Variants in IL15 observed in about 807,000 individuals in gnomAD.
IL15 encodes interleukin-15.
In IL15, 11 loss-of-function variants were observed where a neutral mutation model predicts 19.6. The observed-to-expected ratio is 0.56, with a 90% CI of 0.35 to 0.93. The LOEUF is 0.93. IL15 is among the 40% of genes least tolerant of loss of function. The probability of loss-of-function intolerance (pLI) is 0.01; values close to 1 mark genes in which losing one functional copy is unlikely to be tolerated. For missense variants in IL15, 197 were observed against 186.5 expected (o/e 1.06, Z -0.33); for synonymous variants, 58 against 59.6 (o/e 0.97, Z 0.12).
intron 2 of IL15, among the ~76,000 whole-genome samples, chr4:141,681,002 G>A (rs1728512571): frequency 6.6e-6 from 1 of 152,108 alleles, no homozygotes; most frequent in Non-Finnish European, 1.5e-5. Flanking sequence ...CTTACATTTT[G>A]TGGCCATGTC....
chr4:141,664,298 A>G (rs565949399), intron 2 of IL15, among the ~76,000 whole-genome samples: 1 of 151,904 alleles, frequency 6.6e-6, no homozygotes, highest in East Asian at 1.9e-4. Flanking sequence ...AATAGGAAAA[A>G]CAGAGATAAA....
chr4:141,713,820 G>A (rs535465933), intron 2 of IL15, among the ~76,000 whole-genome samples: 4 of 151,942 alleles, frequency 2.6e-5, no homozygotes, highest in Non-Finnish European at 5.9e-5. Context: ...TCTCCCAATC[G>A]CTCCCTTACA....
intron 5 of IL15, among the ~76,000 whole-genome samples, chr4:141,723,067 A>T (rs970298298): frequency 6.6e-6 from 1 of 152,112 alleles, no homozygotes; most frequent in East Asian, 1.9e-4. Flanking sequence ...ACACCAAGTA[A>T]AAGAGAGAGA....
intron 1 of IL15, among the ~76,000 whole-genome samples, chr4:141,650,327 A>G (rs1727362538): frequency 6.6e-6 from 1 of 152,158 alleles, no homozygotes; most frequent in Admixed American, 6.5e-5. Context: ...TAGGATAGTT[A>G]GATCTAAGCT....
chr4:141,648,593 C>T (rs1482973521), intron 1 of IL15, among the ~76,000 whole-genome samples: 1 of 151,918 alleles, frequency 6.6e-6, no homozygotes, highest in African/African-American at 2.4e-5. Context: ...AATATGGTTT[C>T]TTCTCTTGTT....
intron 1 of IL15, among the ~76,000 whole-genome samples, chr4:141,644,813 G>A (rs1001163381): frequency 6.6e-6 from 1 of 152,060 alleles, no homozygotes; most frequent in African/African-American, 2.4e-5. Context: ...GACAATAGAA[G>A]GCATATAACA....
At chr4:141,690,054 T>A (rs966816261) in intron 2 of IL15, among the ~76,000 whole-genome samples, 1 of 151,996 alleles carries the variant, frequency 6.6e-6, no homozygotes, top group Non-Finnish European at 1.5e-5. Context: ...GCTGGTGGGC[T>A]GGCACTGCTG....
intron 1 of IL15, among the ~76,000 whole-genome samples, chr4:141,642,127 T>C (rs1727065316): frequency 6.6e-6 from 1 of 152,160 alleles, no homozygotes; most frequent in Non-Finnish European, 1.5e-5. Context: ...GTCTCTTATA[T>C]CAACTTTTCA....
intron 2 of IL15, among the ~76,000 whole-genome samples, chr4:141,684,184 T>C (rs1251255889): frequency 2.6e-5 from 4 of 152,228 alleles, no homozygotes; most frequent in African/African-American, 9.6e-5. Context: ...TAATCAACTA[T>C]AAATTCTCAC....
intron 2 of IL15, among the ~76,000 whole-genome samples, chr4:141,705,186 A>T (rs942839565): frequency 2.0e-5 from 3 of 151,670 alleles, no homozygotes; most frequent in African/African-American, 7.3e-5. Flanking sequence ...TCTACTAGAA[A>T]TCTTTCTTCT....
At chr4:141,646,099 G>A (rs575414157) in intron 1 of IL15, among the ~76,000 whole-genome samples, 4 of 152,180 alleles carry the variant, frequency 2.6e-5, no homozygotes, top group African/African-American at 9.6e-5. Context: ...AGAGTGTCAT[G>A]CATGTTCATG....
At position 141,727,952 on chromosome 4, in the gene IL15, G is replaced by T; in HGVS notation, c.208G>T (p.Asp70Tyr). The change falls in exon 6 of 8, where the codon GAT (aspartate) becomes TAT (tyrosine). Residue 70 changes from aspartate (D) to tyrosine (Y), a missense_variant. Transcript: ENST00000320650. ...TGTTTCCTTTCAGTCTATGCATATTGATGCTACTTTATATACGGAAAGTGA... is the reference window on the plus strand; with the variant it reads ...TGTTTCCTTTCAGTCTATGCATATTTATGCTACTTTATATACGGAAAGTGA... The part of the protein sequence containing the change: ...IEDLIQSMHI[D>Y]ATLYTESDVH... The T allele has an allele frequency of 1.5e-6, 2 of 1,330,102 alleles. No individual in the cohort carries two copies. Among genetic ancestry groups the T allele is most frequent in the Non-Finnish European group, 2.1e-6 (2 of 942,506 alleles). The allele number at this position is 1,330,102 out of a possible 1,614,324, so 82.4% of individuals were successfully genotyped here. A position where few individuals can be genotyped will look rare whatever the true frequency, so the allele number is the denominator to read the frequency against.
chr4:141,641,599 C>A (rs1343934010), intron 1 of IL15, among the ~76,000 whole-genome samples: 3 of 150,324 alleles, frequency 2.0e-5, no homozygotes, highest in Admixed American at 6.7e-5. Flanking sequence ...GGACAAAAAA[C>A]CAAACACCGC....
chr4:141,671,621 G>T (rs1425741053), intron 2 of IL15, among the ~76,000 whole-genome samples: 1 of 152,092 alleles, frequency 6.6e-6, no homozygotes. Flanking sequence ...CTTTCATCAT[G>T]CAGTTTCTTC....
chr4:141,724,396 C>A (rs951464920), intron 5 of IL15, among the ~76,000 whole-genome samples: 13 of 151,828 alleles, frequency 8.6e-5, no homozygotes, highest in African/African-American at 3.1e-4. Context: ...ATCTAAGTTA[C>A]TGCTTCAAGA....
chr4:141,684,181 C>G (rs1359228507), intron 2 of IL15, among the ~76,000 whole-genome samples: 2 of 152,160 alleles, frequency 1.3e-5, no homozygotes, highest in Non-Finnish European at 2.9e-5. Context: ...ATGTAATCAA[C>G]TATAAATTCT....
At chr4:141,720,594 A>G (rs1384988304) in intron 4 of IL15, 28 bp downstream of exon 4, 1 of 1,073,748 alleles carries the variant, frequency 9.3e-7, no homozygotes, top group Non-Finnish European at 1.5e-6. Context: ...CATAAATAAC[A>G]TTATGTTCAT....
At chr4:141,722,133 A>T in intron 5 of IL15, 125 bp downstream of exon 5, 6 of 1,231,012 alleles carry the variant, frequency 4.9e-6, no homozygotes, top group Non-Finnish European at 6.3e-6. Context: ...GAAATTTATG[A>T]TCTTATAAAG....
At chr4:141,713,686 C>T (rs1390494534) in intron 2 of IL15, among the ~76,000 whole-genome samples, 1 of 152,146 alleles carries the variant, frequency 6.6e-6, no homozygotes, top group Admixed American at 6.6e-5. Context: ...TGCCTTCTGC[C>T]TCAATGCTGT....
Sources: gnomAD v4.1 joint callset for allele counts (sites outside exome capture counted in the v4.1 genomes callset) on GRCh38, gnomAD v4.1.1 for gene constraint, MANE v1.5 for transcripts, NCBI Gene and HGNC (gene_info 2026-07-23, HGNC 2026-07-21) for gene names.